The following DOCK9 variants were observed in gnomAD, a reference collection of about 807,000 sequenced individuals.
DOCK9 encodes dedicator of cytokinesis 9, also known as dedicator of cytokinesis protein 9.
DOCK9 carries 89 observed loss-of-function variants against 263.3 expected under a neutral mutation model. The observed-to-expected ratio is 0.34, with a 90% CI of 0.28 to 0.40. The LOEUF is 0.40. Among genes scored for constraint, DOCK9 ranks in the 10% least tolerant of loss-of-function variants. The pLI is 1.00. For missense variants in DOCK9, 2,140 were observed against 2,603.4 expected, an observed-to-expected ratio of 0.82 and a Z score of 3.87; for synonymous variants, 976 against 973.1, an observed-to-expected ratio of 1.00 and a Z score of -0.06.
At chr13:99,064,468 C>T (rs2041330375) in intron 1 of DOCK9, among the ~76,000 whole-genome samples, 1 of 152,150 alleles carries the variant, frequency 6.6e-6, no homozygotes. Flanking sequence ...TCAATCCATG[C>T]AGTGACTGAG....
At chr13:99,038,931 T>C (rs61968944) in intron 1 of DOCK9, among the ~76,000 whole-genome samples, 14,304 of 152,320 alleles carry the variant, frequency 0.094, 741 homozygotes, top group Middle Eastern at 0.14. Context: ...AAGCTATGCA[T>C]GTTTGCTGCA....
intron 1 of DOCK9, among the ~76,000 whole-genome samples, chr13:99,074,398 C>T (rs1013535771): frequency 6.6e-6 from 1 of 152,194 alleles, no homozygotes; most frequent in African/African-American, 2.4e-5. Context: ...ACATCATATA[C>T]AAGAAGGCAA....
At chr13:98,963,652 G>A (rs1385795517) in intron 1 of DOCK9, among the ~76,000 whole-genome samples, 7 of 152,188 alleles carry the variant, frequency 4.6e-5, no homozygotes, top group South Asian at 2.1e-4. Flanking sequence ...TGAGAAATTC[G>A]TCATTTCTGC....
intron 2 of DOCK9, among the ~76,000 whole-genome samples, chr13:98,931,276 T>A (rs1315439232): frequency 6.7e-6 from 1 of 148,412 alleles, no homozygotes; most frequent in Non-Finnish European, 1.5e-5. Flanking sequence ...CTTTTCTTTT[T>A]CTTTTTAATT....
chr13:98,860,183 A>T, intron 33 of DOCK9: 3 of 1,376,810 alleles, frequency 2.2e-6, no homozygotes, highest in Non-Finnish European at 2.8e-6. Flanking sequence ...GCCAGTGATT[A>T]ACTGTATGAT....
chr13:99,079,610 C>T (rs538532684), intron 1 of DOCK9, among the ~76,000 whole-genome samples: 1 of 152,340 alleles, frequency 6.6e-6, no homozygotes, highest in East Asian at 1.9e-4. Context: ...ACCTACCAAT[C>T]CCAATACTCA....
At chr13:98,827,547 G>T (rs1388475995) in intron 43 of DOCK9, among the ~76,000 whole-genome samples, 1 of 152,244 alleles carries the variant, frequency 6.6e-6, no homozygotes, top group African/African-American at 2.4e-5. Context: ...ACCACGTGGT[G>T]CCCTCGTCTA....
chr13:98,953,359 A>C (rs2057667221), intron 2 of DOCK9, among the ~76,000 whole-genome samples: 1 of 152,218 alleles, frequency 6.6e-6, no homozygotes, highest in Non-Finnish European at 1.5e-5. Flanking sequence ...CTATCACCAG[A>C]GTAGTTAAAA....
chr13:98,946,592 G>A (rs1595549963), intron 2 of DOCK9, among the ~76,000 whole-genome samples: 1 of 152,034 alleles, frequency 6.6e-6, no homozygotes, highest in Non-Finnish European at 1.5e-5. Flanking sequence ...GACCCCATGC[G>A]GAACCCTGCT....
chr13:99,034,783 C>T (rs907065964), intron 1 of DOCK9, among the ~76,000 whole-genome samples: 16 of 152,008 alleles, frequency 1.1e-4, no homozygotes, highest in Non-Finnish European at 8.8e-5. Context: ...CATAGAGATG[C>T]GTAATAATAA....
At chr13:98,805,374 C>T (rs1169847242) in intron 48 of DOCK9, among the ~76,000 whole-genome samples, 165 bp from the exon 49 acceptor site, 3 of 152,132 alleles carry the variant, frequency 2.0e-5, no homozygotes, top group African/African-American at 7.2e-5. Context: ...TAGCAGTTTG[C>T]TATATTTGTT....
intron 45 of DOCK9, among the ~76,000 whole-genome samples, chr13:98,821,030 T>A (rs1416689153): frequency 6.6e-6 from 1 of 152,224 alleles, no homozygotes; most frequent in Non-Finnish European, 1.5e-5. Flanking sequence ...TATCCCTGAA[T>A]GACCACAAAA....
At chr13:99,044,806 A>G (rs140531096) in intron 1 of DOCK9, among the ~76,000 whole-genome samples, 1 of 152,184 alleles carries the variant, frequency 6.6e-6, no homozygotes, top group Admixed American at 6.5e-5. Context: ...AACCAAAAGG[A>G]CTGTCACCTG....
At chr13:98,877,563 C>T (rs1422582214) in intron 27 of DOCK9, among the ~76,000 whole-genome samples, 2 of 152,126 alleles carry the variant, frequency 1.3e-5, no homozygotes, top group Non-Finnish European at 2.9e-5. Flanking sequence ...CTCTCTCCAC[C>T]TGGTCCTCAT....
At chr13:98,929,271 AG>A (rs1388930021) in intron 3 of DOCK9, among the ~76,000 whole-genome samples, 1 of 152,230 alleles carries the variant, frequency 6.6e-6, no homozygotes, top group Non-Finnish European at 1.5e-5. Context: ...GGCCAGGCAC[AG>A]TGGCTCATGC....
At chr13:98,856,157 T>C in intron 33 of DOCK9, 126 bp from the exon 34 acceptor site, 1 of 918,428 alleles carries the variant, frequency 1.1e-6, no homozygotes, top group Non-Finnish European at 1.6e-6. Flanking sequence ...GGCTCAAGAG[T>C]TGCATTCCAT....
chr13:98,896,080 C>A (rs1379340435), intron 15 of DOCK9, among the ~76,000 whole-genome samples: 1 of 152,210 alleles, frequency 6.6e-6, no homozygotes, highest in Non-Finnish European at 1.5e-5. Flanking sequence ...GCCCAGCGGG[C>A]ATGCACACTG....
intron 38 of DOCK9, among the ~76,000 whole-genome samples, chr13:98,839,542 G>T (rs1218356888): frequency 6.6e-6 from 1 of 152,204 alleles, no homozygotes; most frequent in Non-Finnish European, 1.5e-5. Flanking sequence ...GCTGCCATTT[G>T]CCCCGAATGA....
At chr13:98,925,784 A>C in intron 4 of DOCK9, 53 bp downstream of exon 4, 1 of 1,283,918 alleles carries the variant, frequency 7.8e-7, no homozygotes, top group Admixed American at 2.6e-5. Flanking sequence ...ACCTCCCCCC[A>C]AGCATTTCAA....
Sources: allele counts gnomAD v4.1 joint callset (sites outside exome capture counted in the v4.1 genomes callset), GRCh38; gene constraint gnomAD v4.1.1; transcripts MANE v1.5; gene names NCBI Gene and HGNC (gene_info 2026-07-23, HGNC 2026-07-21).